FBXL18: variants seen among roughly 807,000 people sequenced by gnomAD.
FBXL18 encodes the protein F-box/LRR-repeat protein 18.
A neutral mutation model predicts 46.0 loss-of-function variants in FBXL18; 36 were observed. That is an observed-to-expected ratio of 0.78 (90% CI 0.60 to 1.03). FBXL18 has a LOEUF of 1.03. Ranked by LOEUF, FBXL18 falls within the 50% of genes least tolerant of loss-of-function variation. FBXL18 has a pLI of 0.00. For synonymous variants in FBXL18, 557 were observed against 465.3 expected (o/e 1.20, Z -2.54); for missense variants, 977 against 1,004.1 (o/e 0.97, Z 0.36).
intron 1 of FBXL18, among the ~76,000 whole-genome samples, chr7:5,512,047 A>G (rs1355507391): frequency 1.1e-4 from 17 of 150,484 alleles, no homozygotes; most frequent in Non-Finnish European, 2.5e-4. Flanking sequence ...CATCCTGGCT[A>G]ACACGGTGAA....
chr7:5,512,051 C>A (rs956648873), intron 1 of FBXL18, among the ~76,000 whole-genome samples: 2 of 147,628 alleles, frequency 1.4e-5, no homozygotes, highest in Non-Finnish European at 3.0e-5. Context: ...CTGGCTAACA[C>A]GGTGAAACCC....
intron 1 of FBXL18, among the ~76,000 whole-genome samples, chr7:5,509,136 TG>T (rs1389984845): frequency 6.8e-6 from 1 of 147,514 alleles, no homozygotes; most frequent in Non-Finnish European, 1.5e-5. Context: ...AAGGTTGCAG[TG>T]AGCCGAGATC....
At chr7:5,465,701 G>A (rs1176500687) in intron 4 of FBXL18, among the ~76,000 whole-genome samples, 1 of 152,084 alleles carries the variant, frequency 6.6e-6, no homozygotes, top group Non-Finnish European at 1.5e-5. Flanking sequence ...GGGGAGAAAT[G>A]GTGGAAAAAC....
At chr7:5,472,530 C>G (rs1253790229), downstream of FBXL18, among the ~76,000 whole-genome samples, 1 of 151,834 alleles carries the variant, frequency 6.6e-6, no homozygotes, top group African/African-American at 2.4e-5. Context: ...CCACTTAGAC[C>G]ACATGGAGAG....
rs773760680 is a variant in FBXL18, at chr7:5,505,495, C to G, written c.154G>C (p.Val52Leu). 1 of 1,614,142 alleles carries G rather than the reference C, an allele frequency of 6.2e-7. No individual in the cohort carries two copies. The highest frequency in any genetic ancestry group is 1.1e-5 in the South Asian group (1 of 91,082). ...GCAAGCTTCCGACAGGTACGCCGGACGTTCAGAATCAGATCTGTGCTGGGG... is the reference window on the plus strand; with the variant it reads ...GCAAGCTTCCGACAGGTACGCCGGAGGTTCAGAATCAGATCTGTGCTGGGG... ...HVPSTDLILN[V>L]RRTCRKLAAL... Residue 52 changes from valine (V) to leucine (L), a missense_variant, in exon 2 of 5, where the codon GTC (valine) becomes CTC (leucine). Coordinates refer to ENST00000382368, the MANE Select transcript of FBXL18 (RefSeq NM_024963.6).
intron 3 of FBXL18, among the ~76,000 whole-genome samples, chr7:5,491,816 G>A (rs1462224542): frequency 2.6e-5 from 4 of 152,168 alleles, no homozygotes; most frequent in Non-Finnish European, 5.9e-5. Context: ...GCTGGGCAGC[G>A]GATGCAAAGA....
At chr7:5,506,867 G>A (rs1315723589) in intron 1 of FBXL18, among the ~76,000 whole-genome samples, 2 of 152,180 alleles carry the variant, frequency 1.3e-5, no homozygotes, top group Non-Finnish European at 2.9e-5. Flanking sequence ...CTTTTCCATT[G>A]CTGTAGTTCA....
At chr7:5,508,109 T>C (rs1319886193) in intron 1 of FBXL18, among the ~76,000 whole-genome samples, 4 of 151,436 alleles carry the variant, frequency 2.6e-5, no homozygotes, top group Non-Finnish European at 5.9e-5. Flanking sequence ...CTACTAAAAA[T>C]ACAAAAACTA....
intron 1 of FBXL18, among the ~76,000 whole-genome samples, chr7:5,507,194 T>C (rs770422477): frequency 1.3e-5 from 2 of 152,148 alleles, no homozygotes; most frequent in Non-Finnish European, 2.9e-5. Flanking sequence ...ATGGAAGCTC[T>C]GAGTTTTGCA....
At chr7:5,498,058 T>C (rs1784129162) in intron 3 of FBXL18, among the ~76,000 whole-genome samples, 1 of 151,750 alleles carries the variant, frequency 6.6e-6, no homozygotes, top group African/African-American at 2.4e-5. Context: ...TTTTGGGTAA[T>C]TTTTTTTCTT....
At chr7:5,508,829 A>C (rs1294433586) in intron 1 of FBXL18, among the ~76,000 whole-genome samples, 2 of 152,132 alleles carry the variant, frequency 1.3e-5, no homozygotes, top group Non-Finnish European at 2.9e-5. Context: ...CAGATTTATG[A>C]AAGAATGCCA....
intron 4 of FBXL18, among the ~76,000 whole-genome samples, chr7:5,461,009 G>A (rs980274950): frequency 3.9e-5 from 6 of 152,136 alleles, no homozygotes; most frequent in Admixed American, 1.3e-4. Flanking sequence ...TTCCTTCCAC[G>A]CACAAGTGCT....
intron 1 of FBXL18, among the ~76,000 whole-genome samples, chr7:5,513,274 G>C (rs1488725478): frequency 6.6e-6 from 1 of 152,132 alleles, no homozygotes; most frequent in Non-Finnish European, 1.5e-5. Flanking sequence ...AGCATCCAGA[G>C]ATAGAAGATG....
chr7:5,508,191 G>C (rs191682215), intron 1 of FBXL18, among the ~76,000 whole-genome samples: 1 of 151,848 alleles, frequency 6.6e-6, no homozygotes. Context: ...ACTTGAAACC[G>C]GGATGTGGAG....
intron 1 of FBXL18, among the ~76,000 whole-genome samples, chr7:5,508,126 C>T (rs551897199): frequency 6.6e-6 from 1 of 152,150 alleles, no homozygotes; most frequent in East Asian, 1.9e-4. Context: ...ACTAGCCAGG[C>T]GTGGTGGCAT....
At chr7:5,497,752 T>C (rs1784121418) in intron 3 of FBXL18, among the ~76,000 whole-genome samples, 1 of 152,134 alleles carries the variant, frequency 6.6e-6, no homozygotes, top group South Asian at 2.1e-4. Context: ...CCCCCTGAGC[T>C]CCCACAGCCT....
At chr7:5,497,127 A>T (rs1057068536) in intron 3 of FBXL18, among the ~76,000 whole-genome samples, 2 of 151,518 alleles carry the variant, frequency 1.3e-5, no homozygotes, top group Admixed American at 1.3e-4. Context: ...CCTGAGCCAG[A>T]GAAGGTCGAG....
In FBXL18 at chr7:5,463,720, A is replaced by ATAT. The variant is rs1440019641; in HGVS notation, c.2001-15878_2001-15877insATA. Among the ~76,000 whole-genome samples the ATAT allele has an allele frequency of 5.4e-4, 34 of 63,280 alleles. 1 individual carries two copies. Among genetic ancestry groups the ATAT allele is most frequent in the Non-Finnish European group, 7.1e-4 (25 of 35,266 alleles). 41.5% of individuals were successfully genotyped at this position (63,280 alleles called of 152,430 possible). A position where few individuals can be genotyped will look rare whatever the true frequency, so the allele number is the denominator to read the frequency against. On this transcript the variant is annotated intron_variant and NMD_transcript_variant, in intron 4 of 6. Coordinates refer to the FBXL18 transcript ENST00000415009. ...TATATATATATTTATTTATTTATTT[A>ATAT]TTTATTTATTTTTTTTTTTTTTTTT...
At chr7:5,486,251 CAA>C (rs1160606876) in intron 4 of FBXL18, among the ~76,000 whole-genome samples, 15 of 71,804 alleles carry the variant, frequency 2.1e-4, no homozygotes, top group African/African-American at 3.0e-4. Context: ...AACTCCATCT[CAA>C]AAAAAAAAAA....
Sources: gnomAD v4.1 joint callset for allele counts (sites outside exome capture counted in the v4.1 genomes callset) on GRCh38, gnomAD v4.1.1 for gene constraint, MANE v1.5 for transcripts, NCBI Gene and HGNC (gene_info 2026-07-23, HGNC 2026-07-21) for gene names.